Variants in TFDP1 observed in about 807,000 individuals in gnomAD.
TFDP1 encodes DRTF1-polypeptide 1.
In TFDP1, 6 loss-of-function variants were observed where a neutral mutation model predicts 48.0. The ratio of observed to expected loss-of-function variants is 0.13; its 90% confidence interval spans 0.07 to 0.25. The LOEUF is 0.25. Ranked by LOEUF, TFDP1 falls within the 10% of genes least tolerant of loss-of-function variation. TFDP1 has a pLI of 1.00. For missense variants in TFDP1, 335 were observed against 543.0 expected, an observed-to-expected ratio of 0.62 and a Z score of 3.81; for synonymous variants, 201 against 211.6, an observed-to-expected ratio of 0.95 and a Z score of 0.44.
chr13:113,613,906 C>G (rs575056004), intron 3 of TFDP1, among the ~76,000 whole-genome samples: 1 of 141,206 alleles, frequency 7.1e-6, no homozygotes, highest in African/African-American at 2.7e-5. Context: ...TGTGAGTTTG[C>G]GTGTGTGTGC....
rs2140680145 is a variant in TFDP1, at chr13:113,640,237, T to C, written c.1203T>C (p.Asp401=). ...TCGGGGAGGACGACGAGGAGGACGA[T>C]GACTTCAACGAGAATGACGAGGACG... The part of the protein sequence containing the change: ...SYVGEDDEED[D]DFNENDEDD The change falls in exon 12 of 12, where the codon GAT becomes GAC. Residue 401 remains aspartate (D), a synonymous_variant. Coordinates refer to ENST00000375370, the MANE Select transcript of TFDP1 (RefSeq NM_007111.5). 6.2e-7 allele frequency: 1 copy of C among 1,613,558 alleles called. No individual in the cohort carries two copies. Among genetic ancestry groups the C allele is most frequent in the South Asian group, 1.1e-5 (1 of 90,950 alleles).
intron 11 of TFDP1, among the ~76,000 whole-genome samples, chr13:113,638,928 A>C (rs575647879): frequency 5.3e-5 from 8 of 152,328 alleles, no homozygotes; most frequent in Admixed American, 3.3e-4. Context: ...GGCTCGACAT[A>C]GTGAGTTTCA....
At chr13:113,603,558 A>G (rs1190752621) in intron 2 of TFDP1, among the ~76,000 whole-genome samples, 1 of 152,146 alleles carries the variant, frequency 6.6e-6, no homozygotes, top group African/African-American at 2.4e-5. Context: ...CTTATTTTCA[A>G]TTGATTCAGC....
rs974408252 is a variant in TFDP1, at chr13:113,607,733, G to A, written c.13-3263G>A. ...TGCTGGGGAGGAAGAAGCACTGCCC[G>A]CAAGGAGGGGCTGTGCCAGTGGGTG... On this transcript the variant is annotated intron_variant, in intron 2 of 11. Transcript: ENST00000375370. This position sits in a 1 kb window ranked among gnomAD's most constrained non-coding sequence, Gnocchi z 5.2. 2.6e-5 allele frequency among the ~76,000 whole-genome samples: 4 copies of A among 152,170 alleles called. No individual in the cohort carries two copies. Among genetic ancestry groups the A allele is most frequent in the African/African-American group, 7.2e-5 (3 of 41,442 alleles).
At position 113,623,340 on chromosome 13, in the gene TFDP1, G is replaced by A; in HGVS notation, c.186+54G>A. The stretch of plus-strand genomic sequence containing the variant: ...GGATCTCGGTGTGAGGTCGGGATCG[G>A]ATGAGCCGTGTGGTTGGGGATGTTC... On this transcript the variant is annotated intron_variant, in intron 4 of 11. Coordinates refer to ENST00000375370, the MANE Select transcript of TFDP1 (RefSeq NM_007111.5). The surrounding 1 kb of genome is among the most constrained non-coding windows in gnomAD (Gnocchi z 5.2). The A allele has an allele frequency of 1.3e-6, 2 of 1,510,430 alleles. No individual in the cohort carries two copies. Among genetic ancestry groups the A allele is most frequent in the Non-Finnish European group, 1.8e-6 (2 of 1,110,862 alleles). The allele number at this position is 1,510,430 out of a possible 1,614,324, so 93.6% of individuals were successfully genotyped here. A position where few individuals can be genotyped will look rare whatever the true frequency, so the allele number is the denominator to read the frequency against.
Position 113,620,608 on chromosome 13 carries a change from T to C in TFDP1, c.80-2572T>C, listed in dbSNP as rs376821255. Among the ~76,000 whole-genome samples, 9 of 152,392 alleles carry C rather than the reference T, an allele frequency of 5.9e-5. No homozygotes were observed. The South Asian group carries it at 1.2e-3, about 21-fold the overall frequency. On this transcript the variant is annotated intron_variant, in intron 3 of 11. Transcript: ENST00000375370. ...TCCCTGCATAGTAGAATATTATTTT[T>C]GCTTTTAAAATGCCTTTCCCTGGTA...
At chr13:113,614,531 C>T (rs2048809203) in intron 3 of TFDP1, among the ~76,000 whole-genome samples, 1 of 152,196 alleles carries the variant, frequency 6.6e-6, no homozygotes, top group Non-Finnish European at 1.5e-5. Context: ...TGAGTCAGAC[C>T]TTGAGGAAGG....
rs1013653937 is a variant in TFDP1 at position 113,633,826 on chromosome 13, T to G, written c.475-64T>G. On this transcript the variant is annotated intron_variant, in intron 6 of 11. Coordinates refer to ENST00000375370, the MANE Select transcript of TFDP1 (RefSeq NM_007111.5). The surrounding 1 kb of genome is among the most constrained non-coding windows in gnomAD (Gnocchi z 4.5). The stretch of plus-strand genomic sequence containing the variant: ...CCCCTTTGAGCCAGTGCCCATGGTC[T>G]ACAGTTTAAGGATCCACCGGCCTTT... 33 of 1,549,496 alleles carry G rather than the reference T, an allele frequency of 2.1e-5. No homozygotes were observed. Among genetic ancestry groups the G allele is most frequent in the Non-Finnish European group, 2.9e-5 (33 of 1,147,006 alleles).
At chr13:113,593,859 G>A (rs1013653153) in intron 2 of TFDP1, among the ~76,000 whole-genome samples, 1 of 146,078 alleles carries the variant, frequency 6.8e-6, no homozygotes, top group Non-Finnish European at 1.5e-5. Context: ...CAGGTGACAG[G>A]TGTGCTGTGT....
chr13:113,629,770 C>T (rs1254196740), intron 4 of TFDP1, among the ~76,000 whole-genome samples: 1 of 151,316 alleles, frequency 6.6e-6, no homozygotes, highest in African/African-American at 2.5e-5. Flanking sequence ...TAAGTCAGTT[C>T]CTCGTTGTAA....
chr13:113,589,392 GGGCTGCTCCT>G (rs1003386815), intron 2 of TFDP1, among the ~76,000 whole-genome samples: 1 of 152,112 alleles, frequency 6.6e-6, no homozygotes, highest in African/African-American at 2.4e-5. Flanking sequence ...TCAAGATTAT[GGGCTGCTCCT>G]GGCAATATGG....
chr13:113,618,198 CACTCT>C (rs1325285608), intron 3 of TFDP1, among the ~76,000 whole-genome samples: 1 of 152,178 alleles, frequency 6.6e-6, no homozygotes, highest in African/African-American at 2.4e-5. Flanking sequence ...ATGTGTGGAA[CACTCT>C]ACTCTACTTA....
Position 113,633,421 on chromosome 13 carries a change from G to A in TFDP1, c.474+136G>A, listed in dbSNP as rs577162748. On this transcript the variant is annotated intron_variant, in intron 6 of 11. Coordinates refer to ENST00000375370, the MANE Select transcript of TFDP1 (RefSeq NM_007111.5). This position sits in a 1 kb window ranked among gnomAD's most constrained non-coding sequence, Gnocchi z 4.5. The stretch of plus-strand genomic sequence containing the variant: ...CAGCATAAAAGAATTTTTACCAAAC[G>A]AGTCAGTAAGTGTGTGCCGGGGCCG... The A allele has an allele frequency of 1.2e-5, 13 of 1,057,464 alleles. No individual in the cohort carries two copies. The East Asian group carries it at 1.5e-4, about 12-fold the overall frequency. The allele number at this position is 1,057,464 out of a possible 1,614,324, so 65.5% of individuals were successfully genotyped here.
intron 2 of TFDP1, among the ~76,000 whole-genome samples, chr13:113,592,474 A>C (rs530497848): frequency 6.6e-6 from 1 of 152,234 alleles, no homozygotes; most frequent in East Asian, 1.9e-4. Context: ...CTGTTTTTCT[A>C]TGGTCCAGTT....
In TFDP1 at chr13:113,587,482, C is replaced by CTTT. The variant is rs34556944; in HGVS notation, c.12+1651_12+1653dup. 2.0e-4 allele frequency among the ~76,000 whole-genome samples: 25 copies of CTTT among 125,490 alleles called. 1 individual carries two copies. The highest frequency in any genetic ancestry group is 3.2e-4 in the Non-Finnish European group (19 of 60,288). 82.3% of individuals were successfully genotyped at this position (125,490 alleles called of 152,430 possible). ...AAGGAATTTGATGTTTTCGCTAGCT[C>CTTT]TTTTTTTTTTTTTTTTTTTTGAGAC... On this transcript the variant is annotated intron_variant, in intron 2 of 11. Transcript: ENST00000375370.
Position 113,633,171 on chromosome 13 carries a change from C to T in TFDP1, c.360C>T (p.Ser120=), listed in dbSNP as rs1432356315. Residue 120 remains serine, a synonymous_variant, in exon 6 of 12, where the codon TCC becomes TCT. Coordinates refer to ENST00000375370, the MANE Select transcript of TFDP1 (RefSeq NM_007111.5). The surrounding 1 kb of genome is among the most constrained non-coding windows in gnomAD (Gnocchi z 4.5). ...ATGGCAAGGGCCTACGGCATTTCTC[C>T]ATGAAGGTCTGCGAGAAGGTGCAGA... ...EKNGKGLRHF[S]MKVCEKVQRK... 6.2e-7 allele frequency: 1 copy of T among 1,614,050 alleles called. No individual in the cohort carries two copies. The highest frequency in any genetic ancestry group is 8.5e-7 in the Non-Finnish European group (1 of 1,180,042).
intron 11 of TFDP1, among the ~76,000 whole-genome samples, chr13:113,639,405 G>T (rs539611636): frequency 6.6e-6 from 1 of 152,296 alleles, no homozygotes; most frequent in Non-Finnish European, 1.5e-5. Context: ...AGTACCTCAT[G>T]AAAGGACATC....
rs372043898 is a variant in TFDP1, at chr13:113,623,215, G to A, written c.115G>A (p.Val39Ile). The A allele has an allele frequency of 2.2e-5, 36 of 1,613,320 alleles. No homozygotes were observed. The highest frequency in any genetic ancestry group is 4.4e-5 in the South Asian group (4 of 90,888). The change falls in exon 4 of 12, where the codon GTC becomes ATC. Residue 39 changes from valine to isoleucine, a missense_variant. Physicochemically the swap from Val to Ile is conservative, Grantham distance 29. Coordinates refer to ENST00000375370, the MANE Select transcript of TFDP1 (RefSeq NM_007111.5). This position sits in a 1 kb window ranked among gnomAD's most constrained non-coding sequence, Gnocchi z 5.2. Reference protein sequence around the residue: ...VSLVAVHPSTVNPLGKQLLPK... With the variant: ...VSLVAVHPSTINPLGKQLLPK... ...CCTCGTGGCCGTTCACCCCTCCACCGTCAACCCGCTCGGGAAGCAGCTCTT... is the reference window on the plus strand; with the variant it reads ...CCTCGTGGCCGTTCACCCCTCCACCATCAACCCGCTCGGGAAGCAGCTCTT...
intron 2 of TFDP1, among the ~76,000 whole-genome samples, chr13:113,595,429 G>A (rs762591284): frequency 1.3e-4 from 20 of 152,218 alleles, no homozygotes; most frequent in Non-Finnish European, 2.6e-4. Flanking sequence ...GTATAGAGGG[G>A]TGTCTGGAAT....
Sources: gnomAD v4.1 joint callset for allele counts (sites outside exome capture counted in the v4.1 genomes callset) on GRCh38, gnomAD v4.1.1 for gene constraint, Gnocchi (gnomAD v3.1) non-coding constraint, MANE v1.5 for transcripts, NCBI Gene and HGNC (gene_info 2026-07-23, HGNC 2026-07-21) for gene names.